The following EBF3 variants were observed in gnomAD, a reference collection of about 807,000 sequenced individuals.
EBF3 encodes EBF transcription factor 3.
A neutral mutation model predicts 77.1 loss-of-function variants in EBF3; 18 were observed. The ratio of observed to expected loss-of-function variants is 0.23; its 90% CI spans 0.16 to 0.35. The LOEUF is 0.35. Among genes scored for constraint, EBF3 ranks in the 10% least tolerant of loss-of-function variants. The pLI is 1.00. For missense variants in EBF3, 558 were observed against 860.0 expected, an observed-to-expected ratio of 0.65 and a Z score of 4.39; for synonymous variants, 350 against 343.5, an observed-to-expected ratio of 1.02 and a Z score of -0.21.
At chr10:129,951,589 G>C (rs1564920745) in intron 6 of EBF3, among the ~76,000 whole-genome samples, 2 of 152,246 alleles carry the variant, frequency 1.3e-5, no homozygotes, top group Non-Finnish European at 2.9e-5. Flanking sequence ...CCCAGCCCTT[G>C]ACTGGCCTGG....
At chr10:129,858,700 A>G (rs1589721605) in intron 10 of EBF3, among the ~76,000 whole-genome samples, 1 of 152,098 alleles carries the variant, frequency 6.6e-6, no homozygotes, top group East Asian at 1.9e-4. Flanking sequence ...CACCCTCCCT[A>G]ATCCGACCCC....
At chr10:129,937,252 C>G (rs1857427583) in intron 6 of EBF3, among the ~76,000 whole-genome samples, 1 of 152,092 alleles carries the variant, frequency 6.6e-6, no homozygotes, top group African/African-American at 2.4e-5. Context: ...CCGGGGCGCA[C>G]AGAGACCCCT....
chr10:129,842,091 G>A lies in EBF3; in HGVS notation c.1372+25C>T. ...AACCCTCGGAGGGCGTTCAGGGCAG[G>A]GGTCCTCCCAGCATGCTGGCATACC... On this transcript the variant is annotated intron_variant, in intron 13 of 16. Coordinates refer to ENST00000440978, the MANE Select transcript of EBF3 (RefSeq NM_001375380.1). This position sits in a 1 kb window ranked among gnomAD's most constrained non-coding sequence, Gnocchi z 4.4. 6.2e-7 allele frequency: 1 copy of A among 1,614,070 alleles called. No homozygotes were observed. The highest frequency in any genetic ancestry group is 8.5e-7 in the Non-Finnish European group (1 of 1,179,972).
At chr10:129,869,704 CTTTG>C (rs1256126250) in intron 8 of EBF3, among the ~76,000 whole-genome samples, 1 of 152,168 alleles carries the variant, frequency 6.6e-6, no homozygotes, top group Admixed American at 6.5e-5. Context: ...TGCCACCTTC[CTTTG>C]TTTGCTTTAA....
chr10:129,908,974 G>A (rs937635101), intron 6 of EBF3, among the ~76,000 whole-genome samples: 1 of 152,256 alleles, frequency 6.6e-6, no homozygotes, highest in South Asian at 2.1e-4. Flanking sequence ...TAAGCAAACC[G>A]TAGTCAGAGT....
rs76051997 is a variant in EBF3 at position 129,849,720 on chromosome 10, G to A, written c.1040-1240C>T. On this transcript the variant is annotated intron_variant, in intron 10 of 16. Transcript: ENST00000440978. ...TCATACATCCCGGAGATAAAGGTCC[G>A]CACAGGAATGTGAAGTAAGACATTT... Among the ~76,000 whole-genome samples, 22 of 152,320 alleles carry A rather than the reference G, an allele frequency of 1.4e-4. No individual in the cohort carries two copies. The East Asian group carries it at 3.9e-3, about 27-fold the overall frequency.
chr10:129,904,733 T>TAACCATCC (rs1554914452), intron 6 of EBF3, among the ~76,000 whole-genome samples: 1 of 151,734 alleles, frequency 6.6e-6, no homozygotes, highest in African/African-American at 2.4e-5. Flanking sequence ...TAGATCTCTC[T>TAACCATCC]ATCCATCCAT....
Position 129,925,547 on chromosome 10 carries a change from G to A in EBF3, c.554+31711C>T, listed in dbSNP as rs181463178. ...GCAGAGGTTACAGTGAGCCAAGATC[G>A]TACCACTGCACTCCAGCCTGGGTGG... On this transcript the variant is annotated intron_variant, in intron 6 of 16. Coordinates refer to ENST00000440978, the MANE Select transcript of EBF3 (RefSeq NM_001375380.1). Among the ~76,000 whole-genome samples, 8 of 148,576 alleles carry A rather than the reference G, an allele frequency of 5.4e-5. No individual in the cohort carries two copies. The South Asian group carries it at 6.4e-4, about 12-fold the overall frequency.
rs1854468816 is a variant in EBF3 at position 129,897,363 on chromosome 10, T to C, written c.555-19514A>G. Among the ~76,000 whole-genome samples, 1 of 152,142 alleles carries C rather than the reference T, an allele frequency of 6.6e-6. No homozygotes were observed. The highest frequency in any genetic ancestry group is 1.9e-4 in the East Asian group (1 of 5,180). On this transcript the variant is annotated intron_variant, in intron 6 of 16. Coordinates refer to ENST00000440978, the MANE Select transcript of EBF3 (RefSeq NM_001375380.1). The surrounding 1 kb of genome is among the most constrained non-coding windows in gnomAD (Gnocchi z 4.6). ...GGGGTACACCAGTGGCCCCAGGACC[T>C]TTGTGGAACCAGAGCAGAGCCCAGC...
In EBF3 at chr10:129,848,811, C is replaced by G. The variant is rs530358934; in HGVS notation, c.1040-331G>C. ...ATCACGATGTGATGTCTGCATCACA[C>G]GGTGCCTTCCACACTGGCCAGGGAT... On this transcript the variant is annotated intron_variant, in intron 10 of 16. Transcript: ENST00000440978. This position sits in a 1 kb window ranked among gnomAD's most constrained non-coding sequence, Gnocchi z 4.4. 1.4e-4 allele frequency among the ~76,000 whole-genome samples: 22 copies of G among 152,318 alleles called. No homozygotes were observed. The South Asian group carries it at 4.6e-3, about 32-fold the overall frequency.
chr10:129,957,386 G>C, intron 5 of EBF3, 60 bp from the exon 6 acceptor site: 1 of 1,196,386 alleles, frequency 8.4e-7, no homozygotes, highest in Non-Finnish European at 1.1e-6. Flanking sequence ...TGCCCGACTT[G>C]TATTTTTTTT....
chr10:129,896,830 C>T (rs529236923), intron 6 of EBF3, among the ~76,000 whole-genome samples: 83 of 152,350 alleles, frequency 5.4e-4, no homozygotes, highest in African/African-American at 1.9e-3. Flanking sequence ...TTTCGCCCTG[C>T]GTGAACTTGG....
At chr10:129,892,907 G>A (rs569185485) in intron 6 of EBF3, among the ~76,000 whole-genome samples, 2 of 152,214 alleles carry the variant, frequency 1.3e-5, no homozygotes, top group Admixed American at 1.3e-4. Context: ...CCCATTTTAG[G>A]GGAGGGCGCC....
chr10:129,922,956 C>T (rs1305894295), intron 6 of EBF3, among the ~76,000 whole-genome samples: 1 of 152,228 alleles, frequency 6.6e-6, no homozygotes, highest in African/African-American at 2.4e-5. Context: ...AGACCTTCCC[C>T]ATCTCCTCTT....
Position 129,963,722 on chromosome 10 carries a change from T to C in EBF3, c.47A>G (p.Lys16Arg). 1 of 1,537,744 alleles carries C rather than the reference T, an allele frequency of 6.5e-7. No homozygotes were observed. Among genetic ancestry groups the C allele is most frequent in the Admixed American group, 1.8e-5 (1 of 55,454 alleles). Residue 16 changes from lysine to arginine, a missense_variant, in exon 1 of 17, where the codon AAG (lysine) becomes AGG (arginine). This residue lies in a region of EBF3 where 64 missense variants were observed against 54.5 expected (regional missense o/e 1.18). Transcript: ENST00000440978. This position sits in a 1 kb window ranked among gnomAD's most constrained non-coding sequence, Gnocchi z 7.1. Reference protein sequence around the residue: ...ENIPRGGTTMKEEPLGSGMNP... With the variant: ...ENIPRGGTTMREEPLGSGMNP... ...CATGCCGCTGCCCAGCGGCTCCTCC[T>C]TCATGGTCGTCCCCCCGCGCGGAAT...
In EBF3 at chr10:129,953,257, G is replaced by A. The variant is rs950463765; in HGVS notation, c.554+4001C>T. On this transcript the variant is annotated intron_variant, in intron 6 of 16. Transcript: ENST00000440978. ...AGACAATGTGAAATCACAGACAATG[G>A]AAGGTTAAGCAAATAATATTTCCCT... Among the ~76,000 whole-genome samples, 5 of 152,106 alleles carry A rather than the reference G, an allele frequency of 3.3e-5. No individual in the cohort carries two copies. The East Asian group carries it at 7.7e-4, about 23-fold the overall frequency.
rs1297571388 is a variant in EBF3, at chr10:129,938,464, C to T, written c.554+18794G>A. Among the ~76,000 whole-genome samples the T allele has an allele frequency of 6.6e-6, 1 of 151,666 alleles. No individual in the cohort carries two copies. The highest frequency in any genetic ancestry group is 2.4e-5 in the African/African-American group (1 of 41,258). ...TGCTACCAGGAGGCTGAGGTGGGAA[C>T]ATTGCTTGAGCCCAGGAGGTCCAGG... On this transcript the variant is annotated intron_variant, in intron 6 of 16. Transcript: ENST00000440978. This position sits in a 1 kb window ranked among gnomAD's most constrained non-coding sequence, Gnocchi z 5.1.
Position 129,952,712 on chromosome 10 carries a change from A to G in EBF3, c.554+4546T>C, listed in dbSNP as rs891457163. 7.9e-5 allele frequency among the ~76,000 whole-genome samples: 12 copies of G among 152,212 alleles called. No individual in the cohort carries two copies. Among genetic ancestry groups the G allele is most frequent in the African/African-American group, 2.7e-4 (11 of 41,454 alleles). On this transcript the variant is annotated intron_variant, in intron 6 of 16. Coordinates refer to ENST00000440978, the MANE Select transcript of EBF3 (RefSeq NM_001375380.1). This position sits in a 1 kb window ranked among gnomAD's most constrained non-coding sequence, Gnocchi z 4.7. ...CGCTTCTGAAAACAACCTGACAAGAAGATGTAAAGGGCTAGGGAATAACCC... is the reference window on the plus strand; with the variant it reads ...CGCTTCTGAAAACAACCTGACAAGAGGATGTAAAGGGCTAGGGAATAACCC...
chr10:129,954,660 G>C (rs1161960816), intron 6 of EBF3, among the ~76,000 whole-genome samples: 1 of 152,168 alleles, frequency 6.6e-6, no homozygotes, highest in Non-Finnish European at 1.5e-5. Flanking sequence ...CTCAATTCAG[G>C]TTGGAATTAT....
Sources: gnomAD v4.1 joint callset for allele counts (sites outside exome capture counted in the v4.1 genomes callset) on GRCh38, gnomAD v4.1.1 for gene constraint, gnomAD v4.1.1 regional missense constraint, Gnocchi (gnomAD v3.1) non-coding constraint, MANE v1.5 for transcripts, NCBI Gene and HGNC (gene_info 2026-07-23, HGNC 2026-07-21) for gene names.